The following PCDHA7 variants were observed in gnomAD, a reference collection of about 807,000 sequenced individuals.
The protein encoded by PCDHA7 is protocadherin alpha 7.
A neutral mutation model predicts 57.2 loss-of-function variants in PCDHA7; 37 were observed. That is an observed-to-expected ratio of 0.65 (90% confidence interval 0.50 to 0.85). PCDHA7 has a LOEUF of 0.85. Ranked by LOEUF, PCDHA7 falls within the 40% of genes least tolerant of loss-of-function variation. The probability of loss-of-function intolerance (pLI) is 0.00; values close to 1 mark genes in which losing one functional copy is unlikely to be tolerated. For missense variants in PCDHA7, 1,188 were observed against 1,241.8 expected (o/e 0.96, Z 0.65); for synonymous variants, 553 against 558.8 (o/e 0.99, Z 0.15).
chr5:140,836,758 G>T lies in PCDHA7; in HGVS notation c.2355+20G>T. 1.3e-6 allele frequency: 2 copies of T among 1,572,510 alleles called. No individual in the cohort carries two copies. The highest frequency in any genetic ancestry group is 2.4e-5 in the South Asian group (2 of 84,030). ...GACAATGTGAGTCATAAATAATCTT[G>T]TTTCCAACAATTTTAAAACAATTAG... On this transcript the variant is annotated intron_variant, in intron 1 of 3. Transcript: ENST00000525929.
chr5:140,924,050 A>T (rs1554201725), intron 1 of PCDHA7, among the ~76,000 whole-genome samples: 1 of 152,250 alleles, frequency 6.6e-6, no homozygotes, highest in African/African-American at 2.4e-5. Flanking sequence ...AAAGTTCGGT[A>T]CATCTTTACA....
intron 1 of PCDHA7, chr5:140,865,312 G>A (rs949727799): frequency 1.1e-4 from 17 of 152,148 alleles, no homozygotes; most frequent in African/African-American, 4.1e-4. Context: ...TTACAAATGA[G>A]ATGGCCTTTA....
chr5:140,978,860 A>G, intron 1 of PCDHA7, 89 bp from the exon 2 acceptor site: 1 of 1,598,356 alleles, frequency 6.3e-7, no homozygotes, highest in African/African-American at 1.3e-5. Context: ...GCCTGGAAAT[A>G]TTTAAGGGAG....
intron 1 of PCDHA7, among the ~76,000 whole-genome samples, chr5:140,874,443 C>G (rs1554167205): frequency 6.6e-6 from 1 of 152,208 alleles, no homozygotes; most frequent in Non-Finnish European, 1.5e-5. Context: ...GTCCTAACTA[C>G]TAAATGACCT....
intron 1 of PCDHA7, chr5:140,967,846 C>A: frequency 6.2e-7 from 1 of 1,614,166 alleles, no homozygotes; most frequent in Non-Finnish European, 8.5e-7. Context: ...ACGTGAATGA[C>A]AATGCCCCAG....
At chr5:140,857,330 G>A in intron 1 of PCDHA7, 1 of 1,598,660 alleles carries the variant, frequency 6.3e-7, no homozygotes, top group South Asian at 1.1e-5. Context: ...GACCGCGCGG[G>A]ACGGGGGCTC....
intron 1 of PCDHA7, among the ~76,000 whole-genome samples, chr5:140,894,571 T>C (rs782019282): frequency 2.0e-5 from 3 of 151,906 alleles, no homozygotes; most frequent in Non-Finnish European, 4.4e-5. Flanking sequence ...TTATTTTCCT[T>C]TTTTTTAATA....
chr5:140,843,457 G>A, intron 1 of PCDHA7: 1 of 1,596,058 alleles, frequency 6.3e-7, no homozygotes, highest in South Asian at 1.1e-5. Flanking sequence ...GCCTGCTGGT[G>A]CTCACGCTGC....
chr5:140,870,256 A>G, intron 1 of PCDHA7: 1 of 1,614,168 alleles, frequency 6.2e-7, no homozygotes, highest in Non-Finnish European at 8.5e-7. Flanking sequence ...CGGACAGGTG[A>G]CCTGCTCGCT....
intron 1 of PCDHA7, chr5:140,866,754 G>A (rs540571091): frequency 1.1e-4 from 17 of 152,256 alleles, no homozygotes; most frequent in Non-Finnish European, 2.2e-4. Context: ...ATGACTAACA[G>A]GACATACAGG....
chr5:140,863,116 G>A (rs1554157785), intron 1 of PCDHA7: 7 of 589,834 alleles, frequency 1.2e-5, no homozygotes, highest in African/African-American at 1.9e-5. Flanking sequence ...CGAGGCGAAA[G>A]CTACGCGCCA....
chr5:140,930,377 T>C (rs1480359985), intron 1 of PCDHA7: 1 of 152,198 alleles, frequency 6.6e-6, no homozygotes, highest in Non-Finnish European at 1.5e-5. Flanking sequence ...TAGTGGCCCT[T>C]GGCATTTCAA....
At chr5:140,903,916 T>C (rs1192195691) in intron 1 of PCDHA7, among the ~76,000 whole-genome samples, 1 of 152,260 alleles carries the variant, frequency 6.6e-6, no homozygotes, top group African/African-American at 2.4e-5. Flanking sequence ...TGTGACTTCC[T>C]TGCTGCATTG....
chr5:140,842,820 G>A (rs1554139418), intron 1 of PCDHA7: 2 of 1,593,888 alleles, frequency 1.3e-6, no homozygotes, highest in African/African-American at 2.7e-5. Context: ...CGGCGGGTGG[G>A]CGAGCGCTCG....
In PCDHA7 at chr5:140,858,343, G is replaced by A. The variant is rs1554151440; in HGVS notation, c.2355+21605G>A. On this transcript the variant is annotated intron_variant, in intron 1 of 3. Coordinates refer to ENST00000525929, the MANE Select transcript of PCDHA7 (RefSeq NM_018910.3). ...GTTCTGGGGAGGGCCTGCCCAAGGC[G>A]GACCTCATGGCCTTCAGCCCCAGCC... 9 of 1,594,924 alleles carry A rather than the reference G, an allele frequency of 5.6e-6. 1 individual carries two copies. The highest frequency in any genetic ancestry group is 6.9e-6 in the Non-Finnish European group (8 of 1,165,636).
intron 1 of PCDHA7, chr5:140,968,458 T>C: frequency 6.2e-7 from 1 of 1,614,148 alleles, no homozygotes; most frequent in East Asian, 2.2e-5. Flanking sequence ...GCACTGTGAC[T>C]GCCAACGTAT....
chr5:140,871,966 C>G (rs1210672603), intron 1 of PCDHA7, among the ~76,000 whole-genome samples: 2 of 152,204 alleles, frequency 1.3e-5, no homozygotes, highest in African/African-American at 4.8e-5. Context: ...AGGAGGTCTT[C>G]CTATGATGTC....
At chr5:140,991,614 A>G (rs1554252334) in intron 3 of PCDHA7, among the ~76,000 whole-genome samples, 2 of 152,194 alleles carry the variant, frequency 1.3e-5, no homozygotes, top group Non-Finnish European at 2.9e-5. Flanking sequence ...AGCACCTTTA[A>G]TGCCATATTT....
intron 1 of PCDHA7, among the ~76,000 whole-genome samples, chr5:140,844,423 T>C (rs1779370902): frequency 6.7e-6 from 1 of 149,538 alleles, no homozygotes; most frequent in South Asian, 2.1e-4. Flanking sequence ...ATGTTTTTTA[T>C]TCTACATGAT....
Sources: gnomAD v4.1 joint callset for allele counts (sites outside exome capture counted in the v4.1 genomes callset) on GRCh38, gnomAD v4.1.1 for gene constraint, MANE v1.5 for transcripts, NCBI Gene and HGNC (gene_info 2026-07-23, HGNC 2026-07-21) for gene names.